CSMD3: variants seen among roughly 807,000 people sequenced by gnomAD.
CSMD3 encodes CUB and Sushi multiple domains 3, also known as CUB and sushi domain-containing protein 3.
CSMD3 carries 177 observed loss-of-function variants against 435.2 expected under a neutral mutation model. The ratio of observed to expected loss-of-function variants is 0.41; its 90% CI spans 0.36 to 0.46. The LOEUF (loss-of-function observed/expected upper bound fraction) is 0.46, where lower values mean the gene tolerates loss of function less well. CSMD3 is among the 20% of genes least tolerant of loss of function. CSMD3 has a pLI of 0.34. For synonymous variants in CSMD3, 1,656 were observed against 1,520.5 expected (o/e 1.09, Z -2.07); for missense variants, 4,265 against 4,504.6 (o/e 0.95, Z 1.52).
intron 40 of CSMD3, among the ~76,000 whole-genome samples, chr8:112,350,871 T>C (rs527892835): frequency 6.6e-6 from 1 of 152,102 alleles, no homozygotes; most frequent in Admixed American, 6.5e-5. Context: ...GTTCAATAGA[T>C]ATACTGAGAA....
chr8:113,024,306 GTGTGTGTGTGTGTT>G (rs113708720), intron 5 of CSMD3, among the ~76,000 whole-genome samples: 3,389 of 17,592 alleles, frequency 0.19, 124 homozygotes, highest in African/African-American at 0.37. Flanking sequence ...GTGTGTGTGT[GTGTGTGTGTGTGTT>G]TGTGTGTGTG....
intron 36 of CSMD3, among the ~76,000 whole-genome samples, chr8:112,388,065 AC>A (rs1830123957): frequency 6.6e-6 from 1 of 152,182 alleles, no homozygotes; most frequent in African/African-American, 2.4e-5. Context: ...TTAAGTTGAG[AC>A]AGAAATGTTA....
At chr8:113,207,942 T>A (rs2092790038) in intron 3 of CSMD3, among the ~76,000 whole-genome samples, 1 of 152,180 alleles carries the variant, frequency 6.6e-6, no homozygotes, top group African/African-American at 2.4e-5. Context: ...GAATGGGGTT[T>A]GGCATACGGC....
At chr8:112,897,158 C>T (rs187993234) in intron 10 of CSMD3, among the ~76,000 whole-genome samples, 270 of 151,492 alleles carry the variant, frequency 1.8e-3, no homozygotes, top group African/African-American at 6.1e-3. Context: ...TAGAGCCAAA[C>T]GCTGCTGCTC....
At chr8:113,079,209 G>T (rs183051740) in intron 5 of CSMD3, among the ~76,000 whole-genome samples, 1 of 152,156 alleles carries the variant, frequency 6.6e-6, no homozygotes, top group East Asian at 1.9e-4. Context: ...TAATCAATTT[G>T]GGATTTCTCA....
At position 112,244,588 on chromosome 8, in the gene CSMD3, G is replaced by T. The variant is rs1490349196; in HGVS notation, c.10223-15C>A. The T allele has an allele frequency of 6.2e-7, 1 of 1,611,172 alleles. No homozygotes were observed. The highest frequency in any genetic ancestry group is 8.5e-7 in the Non-Finnish European group (1 of 1,177,704). On this transcript the variant is annotated splice_polypyrimidine_tract_variant and intron_variant, in intron 64 of 70. Coordinates refer to ENST00000297405, the MANE Select transcript of CSMD3 (RefSeq NM_198123.2). The stretch of plus-strand genomic sequence containing the variant: ...ACAGCTGTGGGCTATATTAAGAAAA[G>T]AGAACAATGTAAATTTTCTATAGAT...
At chr8:112,615,855 G>A (rs1205143719) in intron 22 of CSMD3, among the ~76,000 whole-genome samples, 1 of 152,096 alleles carries the variant, frequency 6.6e-6, no homozygotes, top group Non-Finnish European at 1.5e-5. Flanking sequence ...AAATATTGAT[G>A]TAAAATAAGT....
At chr8:112,380,214 A>G (rs1361360877) in intron 38 of CSMD3, 138 bp downstream of exon 38, 1 of 573,134 alleles carries the variant, frequency 1.7e-6, no homozygotes, top group African/African-American at 1.9e-5. Context: ...AACTGAAGTA[A>G]TAGTTCAAAC....
intron 1 of CSMD3, among the ~76,000 whole-genome samples, chr8:113,327,665 C>T (rs558245254): frequency 1.6e-4 from 24 of 152,222 alleles, no homozygotes; most frequent in Middle Eastern, 6.8e-3. Context: ...GCTATTTAAC[C>T]TATCTTGCAT....
At chr8:113,372,482 G>A (rs973896181) in intron 1 of CSMD3, among the ~76,000 whole-genome samples, 15 of 152,110 alleles carry the variant, frequency 9.9e-5, no homozygotes, top group Admixed American at 3.9e-4. Context: ...AGTGTTTCCT[G>A]AGTTTTTTAT....
intron 6 of CSMD3, among the ~76,000 whole-genome samples, chr8:113,011,712 T>G (rs2086262165): frequency 6.6e-6 from 1 of 151,794 alleles, no homozygotes; most frequent in African/African-American, 2.4e-5. Context: ...CGTTCTTGAT[T>G]AATTTAATAA....
chr8:112,564,348 T>TCCCTTCTCCCCTCCTTTCTCCCCC (rs1828899664), intron 24 of CSMD3, among the ~76,000 whole-genome samples: 1 of 145,110 alleles, frequency 6.9e-6, no homozygotes, highest in African/African-American at 2.6e-5. Context: ...CCTTCTCCCC[T>TCCCTTCTCCCCTCCTTTCTCCCCC]CCTTTCTCCC....
intron 1 of CSMD3, among the ~76,000 whole-genome samples, chr8:113,423,396 TGAC>T (rs2094618863): frequency 6.6e-6 from 1 of 152,034 alleles, no homozygotes; most frequent in Non-Finnish European, 1.5e-5. Context: ...CAAGCTGACT[TGAC>T]AGCCTCTCCA....
At position 112,685,407 on chromosome 8, in the gene CSMD3, G is replaced by T. The variant is rs764834109; in HGVS notation, c.2481C>A (p.Asn827Lys). 6.2e-7 allele frequency: 1 copy of T among 1,608,592 alleles called. No individual in the cohort carries two copies. The highest frequency in any genetic ancestry group is 8.5e-7 in the Non-Finnish European group (1 of 1,175,172). ...AAAAAAACAGAAACAGAAACTTACT[G>T]TTGTAAGTGATGTTAAAGCCACGTC... The part of the protein sequence containing the change: ...MSGRGFNITY[N>K]TFGHNECPDP... The change falls in exon 15 of 71, where the codon AAC (asparagine) becomes AAA (lysine). Residue 827 changes from asparagine to lysine, a missense_variant and splice_region_variant. Around this residue, in one of 3 missense-constraint regions of CSMD3, gnomAD observed 279 missense variants for 369.0 expected, o/e 0.76. Coordinates refer to ENST00000297405, the MANE Select transcript of CSMD3 (RefSeq NM_198123.2).
chr8:112,276,096 C>T lies in CSMD3; in HGVS notation c.9508+5078G>A, dbSNP rs538643469. ...TACAGGCATTGGATAATAGCTGTTC[C>T]AAATGGGAGAAATTGGCCAAAATGA... On this transcript the variant is annotated intron_variant, in intron 59 of 70. Coordinates refer to ENST00000297405, the MANE Select transcript of CSMD3 (RefSeq NM_198123.2). 3.3e-5 allele frequency among the ~76,000 whole-genome samples: 5 copies of T among 152,212 alleles called. No individual in the cohort carries two copies. The South Asian group carries it at 1.0e-3, about 32-fold the overall frequency.
chr8:112,806,909 C>A (rs1310908034), intron 12 of CSMD3, among the ~76,000 whole-genome samples: 3 of 152,162 alleles, frequency 2.0e-5, no homozygotes, highest in African/African-American at 4.8e-5. Context: ...CAGAAACTGG[C>A]CTTAGGAGAT....
At chr8:113,340,169 G>A (rs564592170) in intron 1 of CSMD3, among the ~76,000 whole-genome samples, 3 of 151,660 alleles carry the variant, frequency 2.0e-5, no homozygotes, top group South Asian at 4.2e-4. Context: ...TGTTTTTATT[G>A]CAAGTTTTTT....
intron 7 of CSMD3, among the ~76,000 whole-genome samples, chr8:112,970,194 A>G (rs1004711038): frequency 6.6e-6 from 1 of 152,016 alleles, no homozygotes; most frequent in African/African-American, 2.4e-5. Flanking sequence ...ATGTCATTAC[A>G]TAGGTTCTTC....
intron 4 of CSMD3, among the ~76,000 whole-genome samples, chr8:113,116,088 G>A (rs962393314): frequency 6.6e-6 from 1 of 151,956 alleles, no homozygotes; most frequent in South Asian, 2.1e-4. Context: ...GGCTTATAAG[G>A]TACCCTGTTT....
Sources: gnomAD v4.1 joint callset for allele counts (sites outside exome capture counted in the v4.1 genomes callset) on GRCh38, gnomAD v4.1.1 for gene constraint, gnomAD v4.1.1 regional missense constraint, MANE v1.5 for transcripts, NCBI Gene and HGNC (gene_info 2026-07-23, HGNC 2026-07-21) for gene names.